The following CDC42BPB variants were observed in gnomAD, a reference collection of about 807,000 sequenced individuals.
CDC42BPB encodes the protein CDC42 binding protein kinase beta.
CDC42BPB carries 37 observed loss-of-function variants against 214.9 expected under a neutral mutation model. The ratio of observed to expected loss-of-function variants is 0.17; its 90% CI spans 0.13 to 0.23. The LOEUF is 0.23. CDC42BPB is among the 10% of genes least tolerant of loss of function. The pLI, the probability that CDC42BPB is intolerant of heterozygous loss-of-function variation, is 1.00. For missense variants in CDC42BPB, 1,694 were observed against 2,227.0 expected (o/e 0.76, Z 4.82); for synonymous variants, 931 against 884.0 (o/e 1.05, Z -0.94).
chr14:102,934,458 C>T (rs916003897), intron 36 of CDC42BPB, among the ~76,000 whole-genome samples: 28 of 152,142 alleles, frequency 1.8e-4, no homozygotes, highest in Middle Eastern at 3.4e-3. Flanking sequence ...GGCGTGAACC[C>T]GGGAGGCGGA....
intron 5 of CDC42BPB, among the ~76,000 whole-genome samples, chr14:102,991,094 G>A (rs561946685): frequency 5.9e-5 from 9 of 152,236 alleles, no homozygotes; most frequent in Admixed American, 5.2e-4. Context: ...ATATTTGCAT[G>A]GTCTTAAAAG....
chr14:102,935,099 T>C (rs1595440469), intron 36 of CDC42BPB, among the ~76,000 whole-genome samples: 1 of 151,734 alleles, frequency 6.6e-6, no homozygotes, highest in Non-Finnish European at 1.5e-5. Flanking sequence ...AACATGGGGC[T>C]AGAGGTTCTA....
chr14:103,035,663 AC>A (rs1359796217), intron 1 of CDC42BPB, among the ~76,000 whole-genome samples: 1 of 151,878 alleles, frequency 6.6e-6, no homozygotes, highest in Non-Finnish European at 1.5e-5. Flanking sequence ...ACATGGTGAA[AC>A]CCCATCTCTT....
intron 1 of CDC42BPB, among the ~76,000 whole-genome samples, chr14:103,034,370 A>T (rs1159879673): frequency 6.6e-6 from 1 of 152,226 alleles, no homozygotes. Context: ...ATACACATTT[A>T]AAAAACAGTA....
At position 102,940,130 on chromosome 14, in the gene CDC42BPB, T is replaced by C. The variant is rs773420791; in HGVS notation, c.4507A>G (p.Ile1503Val). ...GTGCCTTCAGAGTTCAGGGGCCTTA[T>C]CTGGATTGGAAACCAGGGAGGGACA... is the stretch of plus-strand genomic sequence containing the variant. Reference protein sequence around the residue: ...EWVQTIGLRRIRPLNSEGTLN... With the variant: ...EWVQTIGLRRVRPLNSEGTLN... The change falls in exon 32 of 37, where the codon ATA becomes GTA. Residue 1503 changes from isoleucine (I) to valine (V), a missense_variant and splice_region_variant. By Grantham distance (29) the Ile-to-Val change is conservative. Coordinates refer to ENST00000361246, the MANE Select transcript of CDC42BPB (RefSeq NM_006035.4). 3.1e-6 allele frequency: 5 copies of C among 1,613,886 alleles called. No homozygotes were observed. The highest frequency in any genetic ancestry group is 2.5e-6 in the Non-Finnish European group (3 of 1,180,036).
chr14:102,938,051 T>G (rs1242894194), intron 36 of CDC42BPB, 53 bp downstream of exon 36: 3 of 1,584,494 alleles, frequency 1.9e-6, no homozygotes, highest in Non-Finnish European at 2.6e-6. Context: ...GGGCTGCTTT[T>G]CCTCCTGCAG....
intron 9 of CDC42BPB, 113 bp downstream of exon 9, chr14:102,978,013 C>T (rs1219975704): frequency 2.6e-6 from 2 of 756,224 alleles, no homozygotes; most frequent in Non-Finnish European, 2.3e-6. Context: ...AAGTAATGGC[C>T]TCCCAGCGCA....
In CDC42BPB at chr14:103,011,950, A is replaced by G. The variant is rs1230031848; in HGVS notation, c.267+147T>C. 29 of 663,062 alleles carry G rather than the reference A, an allele frequency of 4.4e-5. No homozygotes were observed. In the Admixed American group the frequency reaches 5.5e-4, roughly 13 times the overall value. 41.1% of individuals were successfully genotyped at this position (663,062 alleles called of 1,614,324 possible). ...GGGCAACATGGTGAGACCTCATCTT[A>G]GAAAGAGAGAGAGGAAAAAACAAAC... On this transcript the variant is annotated intron_variant, in intron 2 of 36. Coordinates refer to ENST00000361246, the MANE Select transcript of CDC42BPB (RefSeq NM_006035.4).
intron 7 of CDC42BPB, among the ~76,000 whole-genome samples, chr14:102,981,369 G>A (rs533368537): frequency 7.2e-5 from 11 of 152,316 alleles, no homozygotes; most frequent in Admixed American, 7.2e-4. Flanking sequence ...CTCCGCTTCT[G>A]GAAACTCACA....
intron 5 of CDC42BPB, among the ~76,000 whole-genome samples, chr14:102,991,569 T>A (rs956219792): frequency 1.4e-4 from 21 of 152,220 alleles, no homozygotes; most frequent in African/African-American, 4.8e-4. Flanking sequence ...GCATGAGTAG[T>A]GTAAGTAAGA....
chr14:103,015,855 C>T (rs1166240611), intron 1 of CDC42BPB, among the ~76,000 whole-genome samples: 3 of 151,818 alleles, frequency 2.0e-5, no homozygotes, highest in South Asian at 2.1e-4. Context: ...ATTACAGGCA[C>T]GTGCCACCAC....
intron 1 of CDC42BPB, among the ~76,000 whole-genome samples, chr14:103,018,474 T>G (rs1260762137): frequency 1.3e-5 from 2 of 152,192 alleles, no homozygotes; most frequent in Admixed American, 1.3e-4. Context: ...AAGATAACAA[T>G]GGTGGCTTAG....
At chr14:102,961,535 C>T (rs974830952) in intron 20 of CDC42BPB, among the ~76,000 whole-genome samples, 1 of 149,128 alleles carries the variant, frequency 6.7e-6, no homozygotes, top group African/African-American at 2.5e-5. Flanking sequence ...GCAAAACCCC[C>T]CCCACTTTTT....
chr14:102,977,263 C>G (rs1005454293), intron 9 of CDC42BPB, among the ~76,000 whole-genome samples: 1 of 141,680 alleles, frequency 7.1e-6, no homozygotes, highest in African/African-American at 2.5e-5. Flanking sequence ...CGCTTGAACC[C>G]GGGAGGCAGA....
chr14:102,974,414 C>T, intron 11 of CDC42BPB: 1 of 963,838 alleles, frequency 1.0e-6, no homozygotes, highest in Non-Finnish European at 1.2e-6. Flanking sequence ...CACTGGGAGC[C>T]CTTGGGTGGC....
intron 1 of CDC42BPB, among the ~76,000 whole-genome samples, chr14:103,054,399 A>C (rs566149746): frequency 6.6e-6 from 1 of 152,336 alleles, no homozygotes; most frequent in South Asian, 2.1e-4. Flanking sequence ...GGAGTGGTGA[A>C]TCCAAAAACT....
At chr14:102,942,505 C>T (rs1177354290) in intron 30 of CDC42BPB, among the ~76,000 whole-genome samples, 1 of 152,224 alleles carries the variant, frequency 6.6e-6, no homozygotes, top group Non-Finnish European at 1.5e-5. Context: ...TTTGATGGTG[C>T]AGGCCACTCT....
At chr14:102,996,650 T>A (rs1225676423) in intron 5 of CDC42BPB, among the ~76,000 whole-genome samples, 1 of 151,706 alleles carries the variant, frequency 6.6e-6, no homozygotes, top group Non-Finnish European at 1.5e-5. Context: ...CCATCTCTAC[T>A]AAAAACACAA....
chr14:102,953,239 G>C (rs982100996), intron 23 of CDC42BPB, among the ~76,000 whole-genome samples: 1 of 152,262 alleles, frequency 6.6e-6, no homozygotes, highest in Non-Finnish European at 1.5e-5. Flanking sequence ...GAGACCACTT[G>C]CAAGAAGTAG....
Sources: gnomAD v4.1 joint callset for allele counts (sites outside exome capture counted in the v4.1 genomes callset) on GRCh38, gnomAD v4.1.1 for gene constraint, MANE v1.5 for transcripts, NCBI Gene and HGNC (gene_info 2026-07-23, HGNC 2026-07-21) for gene names.